ITGA6: variants seen among roughly 807,000 people sequenced by gnomAD.
The protein encoded by ITGA6 is integrin subunit alpha 6, also known as integrin alpha-6.
ITGA6 carries 63 observed loss-of-function variants against 133.6 expected under a neutral mutation model. The ratio of observed to expected loss-of-function variants is 0.47; its 90% CI spans 0.38 to 0.58. The LOEUF is 0.58. Ranked by LOEUF, ITGA6 falls within the 20% of genes least tolerant of loss-of-function variation. The pLI is 0.00. For missense variants in ITGA6, 1,068 were observed against 1,309.4 expected (o/e 0.82, Z 2.85); for synonymous variants, 434 against 482.0 (o/e 0.90, Z 1.30).
intron 1 of ITGA6, among the ~76,000 whole-genome samples, chr2:172,428,957 G>A (rs766170441): frequency 1.8e-4 from 27 of 152,164 alleles, no homozygotes; most frequent in Non-Finnish European, 3.1e-4. Context: ...CTGAAAAATA[G>A]GCTGTAGCAA....
chr2:172,476,287 G>A, intron 8 of ITGA6, 108 bp from the exon 9 acceptor site: 1 of 772,910 alleles, frequency 1.3e-6, no homozygotes, highest in South Asian at 1.4e-5. Context: ...ACTTATAAGT[G>A]AACTCTCAAA....
intron 23 of ITGA6, among the ~76,000 whole-genome samples, chr2:172,496,263 G>T (rs750285090): frequency 5.9e-5 from 9 of 152,194 alleles, no homozygotes; most frequent in Non-Finnish European, 1.0e-4. Context: ...AGTGAGCCAC[G>T]AGGCCACCTT....
At chr2:172,468,386 ATACAGAATTTTG>A (rs1685773364) in intron 3 of ITGA6, among the ~76,000 whole-genome samples, 1 of 152,214 alleles carries the variant, frequency 6.6e-6, no homozygotes, top group Non-Finnish European at 1.5e-5. Context: ...AACGAAATTT[ATACAGAATTTTG>A]AGAAAAAAAA....
Position 172,498,092 on chromosome 2 carries a change from C to A in ITGA6, c.3106C>A (p.Leu1036Ile). The change falls in exon 24 of 26, where the codon CTA becomes ATA. Residue 1036 changes from leucine to isoleucine, a missense_variant. Transcript: ENST00000684293. ...ILMLALLVFILWKCGFFKRNK... is the reference protein window; with the variant it reads ...ILMLALLVFIIWKCGFFKRNK... ...GATGCTTGCTTTATTAGTGTTTATA[C>A]TATGGAAGGTAAGTCATATCTGGCA... 1.2e-6 allele frequency: 2 copies of A among 1,613,430 alleles called. No individual in the cohort carries two copies. Among genetic ancestry groups the A allele is most frequent in the Non-Finnish European group, 1.7e-6 (2 of 1,179,492 alleles).
At chr2:172,428,681 C>T (rs1410688963) in intron 1 of ITGA6, 3 of 152,172 alleles carry the variant, frequency 2.0e-5, no homozygotes, top group Non-Finnish European at 4.4e-5. Context: ...GAGACCCGCT[C>T]GGCTCCTGCG....
intron 9 of ITGA6, among the ~76,000 whole-genome samples, chr2:172,477,793 G>A (rs1686242399): frequency 6.6e-6 from 1 of 152,176 alleles, no homozygotes; most frequent in Non-Finnish European, 1.5e-5. Context: ...CCCAGGACTT[G>A]GCTTGAGCTT....
Position 172,471,089 on chromosome 2 carries a change from T to G in ITGA6, c.759T>G (p.Pro253=), listed in dbSNP as rs200561616. Residue 253 remains proline (P), a synonymous_variant, in exon 5 of 26, where the codon CCT becomes CCG. Transcript: ENST00000684293. ...TEHDESLVPV[P]ANSYLGFSLD... is the part of the protein sequence containing the mutation. The stretch of plus-strand genomic sequence containing the variant: ...ATGATGAAAGTCTCGTTCCTGTTCC[T>G]GCTAACAGTTACTTAGGTAGGAGCA... 97 of 1,614,132 alleles carry G rather than the reference T, an allele frequency of 6.0e-5. 2 individuals carry two copies. In the Middle Eastern group the frequency reaches 7.1e-3, roughly 118 times the overall value.
chr2:172,454,267 A>G (rs949012537), intron 1 of ITGA6, among the ~76,000 whole-genome samples: 1 of 152,010 alleles, frequency 6.6e-6, no homozygotes, highest in Non-Finnish European at 1.5e-5. Flanking sequence ...TATTTTTAGT[A>G]GAGATGGGGT....
chr2:172,469,233 G>C lies in ITGA6; in HGVS notation c.496G>C (p.Asp166His). 6.2e-7 allele frequency: 1 copy of C among 1,614,170 alleles called. No individual in the cohort carries two copies. The highest frequency in any genetic ancestry group is 8.5e-7 in the Non-Finnish European group (1 of 1,180,034). Residue 166 changes from aspartate (D) to histidine (H), a missense_variant, in exon 4 of 26, where the codon GAT becomes CAT. Coordinates refer to ENST00000684293, the MANE Select transcript of ITGA6 (RefSeq NM_000210.4). ...VLSQNLRIED[D>H]MDGGDWSFCD... ...GAGTCAGAATCTCAGGATTGAAGAC[G>C]ATATGGATGGGGGAGATTGGAGCTT... is the stretch of plus-strand genomic sequence containing the variant.
intron 2 of ITGA6, chr2:172,465,870 C>A: frequency 1.4e-6 from 1 of 723,956 alleles, no homozygotes; most frequent in Non-Finnish European, 2.3e-6. Context: ...GCTGCTCCTC[C>A]TAACCGTGGT....
intron 13 of ITGA6, among the ~76,000 whole-genome samples, chr2:172,486,231 G>T (rs1159789960): frequency 1.3e-5 from 2 of 149,986 alleles, no homozygotes; most frequent in African/African-American, 4.9e-5. Flanking sequence ...GTCCACTATG[G>T]GGCTGCTGGT....
rs371882767 is a variant in ITGA6, at chr2:172,487,100, C to A, written c.1932C>A (p.Thr644=). 1.2e-6 allele frequency: 2 copies of A among 1,611,404 alleles called. No individual in the cohort carries two copies. Among genetic ancestry groups the A allele is most frequent in the Non-Finnish European group, 1.7e-6 (2 of 1,177,824 alleles). Residue 644 remains threonine, a synonymous_variant, in exon 14 of 26, where the codon ACC becomes ACA. Coordinates refer to ENST00000684293, the MANE Select transcript of ITGA6 (RefSeq NM_000210.4). The part of the protein sequence containing the change: ...SNLKLEYKFC[T]REGNQDKFSY... ...TTAAACTAGAATATAAATTTTGCACCCGAGAAGGAAATCAAGACAAATTTT... is the reference window on the plus strand; with the variant it reads ...TTAAACTAGAATATAAATTTTGCACACGAGAAGGAAATCAAGACAAATTTT...
intron 1 of ITGA6, chr2:172,465,123 G>A (rs1685594914): frequency 3.8e-6 from 1 of 265,444 alleles, no homozygotes; most frequent in South Asian, 4.2e-5. Flanking sequence ...ACATATTATT[G>A]CTTATTACAT....
chr2:172,486,923 A>G (rs1282242918), intron 13 of ITGA6, 100 bp from the exon 14 acceptor site: 1 of 732,360 alleles, frequency 1.4e-6, no homozygotes, highest in East Asian at 2.7e-5. Context: ...GGTAATTGTC[A>G]CACAGGGAAA....
intron 1 of ITGA6, among the ~76,000 whole-genome samples, chr2:172,452,767 A>G (rs940799026): frequency 6.6e-6 from 1 of 152,198 alleles, no homozygotes; most frequent in Non-Finnish European, 1.5e-5. Flanking sequence ...GGCGTTTGTA[A>G]CCGGGTAAGT....
At chr2:172,456,427 G>C (rs1177418751) in intron 1 of ITGA6, among the ~76,000 whole-genome samples, 5 of 152,228 alleles carry the variant, frequency 3.3e-5, no homozygotes, top group African/African-American at 7.2e-5. Flanking sequence ...TTCTTTGCCA[G>C]CTTTCTATCC....
chr2:172,458,796 A>G (rs918909690), intron 1 of ITGA6, among the ~76,000 whole-genome samples: 20 of 152,232 alleles, frequency 1.3e-4, no homozygotes, highest in African/African-American at 4.6e-4. Flanking sequence ...CAGGAACACA[A>G]AGAACTGTAG....
At chr2:172,472,806 G>A (rs1414770769) in intron 5 of ITGA6, 1 of 1,612,548 alleles carries the variant, frequency 6.2e-7, no homozygotes, top group South Asian at 1.1e-5. Context: ...TTCCTATACA[G>A]ATCCTGATCA....
intron 23 of ITGA6, among the ~76,000 whole-genome samples, chr2:172,496,262 C>G (rs888943326): frequency 6.6e-6 from 1 of 152,154 alleles, no homozygotes; most frequent in Non-Finnish European, 1.5e-5. Context: ...AAGTGAGCCA[C>G]GAGGCCACCT....
Sources: allele counts gnomAD v4.1 joint callset (sites outside exome capture counted in the v4.1 genomes callset), GRCh38; gene constraint gnomAD v4.1.1; transcripts MANE v1.5; gene names NCBI Gene and HGNC (gene_info 2026-07-23, HGNC 2026-07-21).